FGGY: variants seen among roughly 807,000 people sequenced by gnomAD.
FGGY encodes FGGY carbohydrate kinase domain containing, also known as FGGY carbohydrate kinase domain-containing protein.
Under a neutral mutation model 71.3 loss-of-function variants are expected in FGGY, and 72 were observed. The ratio of observed to expected loss-of-function variants is 1.01; its 90% CI spans 0.84 to 1.23. The LOEUF is 1.23. Among genes scored for constraint, FGGY ranks in the 50% most tolerant of loss-of-function variants. FGGY has a pLI of 0.00. For synonymous variants in FGGY, 251 were observed against 250.3 expected, an observed-to-expected ratio of 1.00 and a Z score of -0.02; for missense variants, 668 against 682.3, an observed-to-expected ratio of 0.98 and a Z score of 0.23.
At chr1:59,531,491 G>A (rs984662033) in intron 7 of FGGY, among the ~76,000 whole-genome samples, 1 of 152,142 alleles carries the variant, frequency 6.6e-6, no homozygotes, top group African/African-American at 2.4e-5. Context: ...AGGCACCAGA[G>A]AGCTACTAAA....
intron 4 of FGGY, among the ~76,000 whole-genome samples, chr1:59,377,828 G>A (rs1053807550): frequency 4.6e-5 from 7 of 152,050 alleles, no homozygotes; most frequent in African/African-American, 1.7e-4. Flanking sequence ...GGCAGAAGTG[G>A]CAAAGTAAAG....
chr1:59,642,329 G>A (rs1023126651), intron 11 of FGGY, among the ~76,000 whole-genome samples: 4 of 152,202 alleles, frequency 2.6e-5, no homozygotes, highest in African/African-American at 9.7e-5. Flanking sequence ...AGTGAGTGGG[G>A]ATAAGAGCAA....
At chr1:59,461,787 TTTGTTTTGTTTTTTA>T (rs1040938417) in intron 6 of FGGY, among the ~76,000 whole-genome samples, 1 of 151,374 alleles carries the variant, frequency 6.6e-6, no homozygotes, top group African/African-American at 2.5e-5. Flanking sequence ...TTTGTTTTGT[TTTGTTTTGTTTTTTA>T]TTTTATTGTA....
rs556441470 is a variant in FGGY, at chr1:59,539,355, G to C, written c.800-14769G>C. ...AAGTTGGGAAAACTCCATAATGCCAGATAGCAGAACATATTACGAAGTAAT... is the reference window on the plus strand; with the variant it reads ...AAGTTGGGAAAACTCCATAATGCCACATAGCAGAACATATTACGAAGTAAT... On this transcript the variant is annotated intron_variant, in intron 7 of 15. Coordinates refer to ENST00000303721, the MANE Select transcript of FGGY (RefSeq NM_018291.5). 1.4e-4 allele frequency among the ~76,000 whole-genome samples: 21 copies of C among 152,282 alleles called. 1 individual carries two copies. The South Asian group carries it at 4.3e-3, about 32-fold the overall frequency.
intron 7 of FGGY, among the ~76,000 whole-genome samples, chr1:59,521,043 G>GA (rs925777530): frequency 7.1e-6 from 1 of 141,036 alleles, no homozygotes; most frequent in African/African-American, 2.6e-5. Context: ...GGGTGGGGGG[G>GA]GATTAGAAAT....
At chr1:59,758,683 T>C (rs913340747) in intron 15 of FGGY, among the ~76,000 whole-genome samples, 1 of 152,158 alleles carries the variant, frequency 6.6e-6, no homozygotes, top group Non-Finnish European at 1.5e-5. Flanking sequence ...AGAACATTCA[T>C]AGTAGAAGGA....
intron 14 of FGGY, among the ~76,000 whole-genome samples, chr1:59,714,963 G>T (rs2097832548): frequency 1.3e-5 from 2 of 152,196 alleles, no homozygotes; most frequent in African/African-American, 4.8e-5. Context: ...GGCCTTCAAA[G>T]AACAACTTGG....
At chr1:59,641,328 C>CA in intron 11 of FGGY, 1 of 1,603,474 alleles carries the variant, frequency 6.2e-7, no homozygotes, top group Non-Finnish European at 8.5e-7. Context: ...GTTGCACTCT[C>CA]CCAGTTCTCT....
chr1:59,606,919 G>T (rs2096629335), intron 8 of FGGY, among the ~76,000 whole-genome samples: 2 of 152,120 alleles, frequency 1.3e-5, no homozygotes, highest in South Asian at 4.1e-4. Flanking sequence ...CACTAGATGG[G>T]AGCTTCTTGA....
chr1:59,462,522 AC>A (rs1420241775), intron 6 of FGGY, among the ~76,000 whole-genome samples: 1 of 152,190 alleles, frequency 6.6e-6, no homozygotes, highest in Non-Finnish European at 1.5e-5. Flanking sequence ...TGAACAGGCA[AC>A]CCACAAAATG....
intron 14 of FGGY, among the ~76,000 whole-genome samples, chr1:59,719,892 C>T (rs946686570): frequency 2.0e-5 from 3 of 152,196 alleles, no homozygotes; most frequent in African/African-American, 7.2e-5. Context: ...GTGTGGCATG[C>T]ATCACCCTTA....
At chr1:59,534,090 T>G (rs1179943703) in intron 7 of FGGY, among the ~76,000 whole-genome samples, 1 of 151,828 alleles carries the variant, frequency 6.6e-6, no homozygotes, top group Non-Finnish European at 1.5e-5. Flanking sequence ...TGAAAAACAT[T>G]TAGAAGAATG....
intron 14 of FGGY, among the ~76,000 whole-genome samples, chr1:59,723,565 G>T (rs568873779): frequency 7.5e-5 from 11 of 147,078 alleles, no homozygotes; most frequent in East Asian, 2.0e-4. Flanking sequence ...TTTTTTTTTG[G>T]GGGGGGGTGG....
At chr1:59,757,847 A>T in intron 14 of FGGY, 84 bp from the exon 15 acceptor site, 1 of 917,680 alleles carries the variant, frequency 1.1e-6, no homozygotes, top group South Asian at 1.6e-5. Flanking sequence ...AAGCAAATTC[A>T]AATTAGAATG....
chr1:59,540,620 CT>C (rs1339578252), intron 7 of FGGY, among the ~76,000 whole-genome samples: 2 of 152,150 alleles, frequency 1.3e-5, no homozygotes, highest in Non-Finnish European at 1.5e-5. Context: ...CTTTGTAAGA[CT>C]CCACTAAATT....
At chr1:59,505,557 C>T (rs972279793) in intron 6 of FGGY, among the ~76,000 whole-genome samples, 11 of 152,178 alleles carry the variant, frequency 7.2e-5, no homozygotes, top group African/African-American at 4.8e-5. Flanking sequence ...AGCAGGGTCA[C>T]ATGCCACCCA....
At chr1:59,535,423 C>T (rs1255389734) in intron 7 of FGGY, among the ~76,000 whole-genome samples, 4 of 152,076 alleles carry the variant, frequency 2.6e-5, no homozygotes, top group Non-Finnish European at 4.4e-5. Flanking sequence ...GACAGATCAA[C>T]GAGAGAGAAA....
rs549760154 is a variant in FGGY at position 59,375,311 on chromosome 1, A to C, written c.466-3438A>C. Among the ~76,000 whole-genome samples the C allele has an allele frequency of 1.2e-3, 184 of 151,486 alleles. 1 individual carries two copies. Among genetic ancestry groups the C allele is most frequent in the Middle Eastern group, 3.5e-3 (1 of 288 alleles). Reference sequence around the variant, plus strand: ...AACAAACAAAAAAAAACTGCATGGGATCCTCACAGATGCCTGCTGGCATCT... The same window carrying C: ...AACAAACAAAAAAAAACTGCATGGGCTCCTCACAGATGCCTGCTGGCATCT... On this transcript the variant is annotated intron_variant, in intron 4 of 15. Coordinates refer to ENST00000303721, the MANE Select transcript of FGGY (RefSeq NM_018291.5).
intron 11 of FGGY, among the ~76,000 whole-genome samples, chr1:59,659,945 C>T (rs754919414): frequency 1.3e-5 from 2 of 152,022 alleles, no homozygotes; most frequent in Non-Finnish European, 2.9e-5. Flanking sequence ...ATTTAATTAT[C>T]GTCTAAGAAA....
Sources: gnomAD v4.1 joint callset for allele counts (sites outside exome capture counted in the v4.1 genomes callset) on GRCh38, gnomAD v4.1.1 for gene constraint, MANE v1.5 for transcripts, NCBI Gene and HGNC (gene_info 2026-07-23, HGNC 2026-07-21) for gene names.